The following MTUS1 variants were observed in gnomAD, a reference collection of about 807,000 sequenced individuals.
MTUS1 encodes microtubule associated scaffold protein 1.
In MTUS1, 109 loss-of-function variants were observed where a neutral mutation model predicts 120.8. The ratio of observed to expected loss-of-function variants is 0.90; its 90% confidence interval spans 0.77 to 1.06. The LOEUF is 1.06. MTUS1 is among the 50% of genes least tolerant of loss of function. The pLI, the probability that MTUS1 is intolerant of heterozygous loss-of-function variation, is 0.00. For missense variants in MTUS1, 2,210 were observed against 1,486.3 expected (o/e 1.49, Z -8.01); for synonymous variants, 737 against 550.5 (o/e 1.34, Z -4.74).
intron 6 of MTUS1, among the ~76,000 whole-genome samples, chr8:17,688,805 G>C (rs57420854): frequency 0.029 from 4,410 of 152,272 alleles, 286 homozygotes; most frequent in East Asian, 0.23. Flanking sequence ...TAATTTAGGA[G>C]ACATATATTT....
chr8:17,692,142 C>G (rs112578702), intron 6 of MTUS1: 1 of 152,188 alleles, frequency 6.6e-6, no homozygotes, highest in Non-Finnish European at 1.5e-5. Flanking sequence ...TGAGAAATAC[C>G]TGTTCTGCCT....
At chr8:17,690,852 AAGAT>A (rs1177313765) in intron 6 of MTUS1, among the ~76,000 whole-genome samples, 2 of 152,184 alleles carry the variant, frequency 1.3e-5, no homozygotes, top group East Asian at 1.9e-4. Flanking sequence ...AGTATTGCCT[AAGAT>A]AAATACAGAA....
intron 13 of MTUS1, among the ~76,000 whole-genome samples, chr8:17,648,366 C>A (rs1203914564): frequency 1.3e-5 from 2 of 152,160 alleles, no homozygotes; most frequent in South Asian, 2.1e-4. Flanking sequence ...AATAGTAGAT[C>A]ATCAGAAATT....
intron 8 of MTUS1, 62 bp downstream of exon 8, chr8:17,675,123 AC>A: frequency 1.9e-6 from 3 of 1,608,258 alleles, no homozygotes; most frequent in Non-Finnish European, 2.6e-6. Flanking sequence ...AGACAGGACA[AC>A]CACATTTTCC....
At position 17,755,198 on chromosome 8, in the gene MTUS1, A is replaced by C; in HGVS notation, c.610T>G (p.Ser204Ala). Residue 204 changes from serine to alanine, a missense_variant, in exon 2 of 15, where the codon TCC becomes GCC. Coordinates refer to ENST00000693296, the MANE Select transcript of MTUS1 (RefSeq NM_001363059.2). ...GRRSGSTSSLSYSTWTSSHSD... is the reference protein window; with the variant it reads ...GRRSGSTSSLAYSTWTSSHSD... ...TGGGAAGATGTCCAAGTGGAATAGG[A>C]TAAAGAAGATGTACTTCCACTTCTC... The C allele has an allele frequency of 6.2e-7, 1 of 1,614,204 alleles. No homozygotes were observed. The highest frequency in any genetic ancestry group is 8.5e-7 in the Non-Finnish European group (1 of 1,180,042).
chr8:17,793,383 G>A (rs543348322), intron 1 of MTUS1, among the ~76,000 whole-genome samples: 2 of 152,174 alleles, frequency 1.3e-5, no homozygotes, highest in Middle Eastern at 3.4e-3. Flanking sequence ...ATGGATGAGG[G>A]GGTGAGGGCA....
chr8:17,691,388 T>A (rs77300060), intron 6 of MTUS1: 1 of 152,252 alleles, frequency 6.6e-6, no homozygotes, highest in Non-Finnish European at 1.5e-5. Flanking sequence ...GATATTCATG[T>A]CACGGCAAAG....
In MTUS1 at chr8:17,754,795, C is replaced by T. The variant is rs2048472466; in HGVS notation, c.1013G>A (p.Arg338Lys). ...AATAAGACAATAGGACACTGTCTCT[C>T]TCAGATTTTGGCCCATTTCCTTGTG... ...YRHKEMGQNL[R>K]ETVSYCLIDD... Residue 338 changes from arginine to lysine, a missense_variant, in exon 2 of 15, where the codon AGA becomes AAA. Coordinates refer to ENST00000693296, the MANE Select transcript of MTUS1 (RefSeq NM_001363059.2). 6.2e-7 allele frequency: 1 copy of T among 1,614,118 alleles called. No homozygotes were observed. The highest frequency in any genetic ancestry group is 1.3e-5 in the African/African-American group (1 of 74,946).
rs1329616676 is a variant in MTUS1, at chr8:17,727,024, C to T, written c.2288-3191G>A. On this transcript the variant is annotated intron_variant, in intron 3 of 14. Transcript: ENST00000693296. ...GAAGACCTGTACCTTCACACAGCTG[C>T]ACTAGAGGAAAGCTTACCCCGGCAA... Among the ~76,000 whole-genome samples, 9 of 152,268 alleles carry T rather than the reference C, an allele frequency of 5.9e-5. No homozygotes were observed. The East Asian group carries it at 1.2e-3, about 20-fold the overall frequency.
intron 7 of MTUS1, among the ~76,000 whole-genome samples, chr8:17,683,768 C>G (rs1391043630): frequency 6.6e-6 from 1 of 152,130 alleles, no homozygotes. Context: ...TGAATTTTAG[C>G]CAGTTCCTGA....
intron 1 of MTUS1, among the ~76,000 whole-genome samples, chr8:17,756,672 C>CCCCCCCT (rs1413103775): frequency 4.3e-5 from 2 of 46,698 alleles, no homozygotes; most frequent in East Asian, 4.1e-4. Flanking sequence ...CAAGCCCAAA[C>CCCCCCCT]CCCCACCCCT....
chr8:17,697,587 G>T, intron 6 of MTUS1: 1 of 1,334,864 alleles, frequency 7.5e-7, no homozygotes, highest in Non-Finnish European at 9.6e-7. Context: ...TTCACTTTCA[G>T]ATGTTGCCAA....
In MTUS1 at chr8:17,754,007, C is replaced by G. The variant is rs749052999; in HGVS notation, c.1801G>C (p.Val601Leu). The G allele has an allele frequency of 3.1e-6, 5 of 1,614,056 alleles. No homozygotes were observed. The highest frequency in any genetic ancestry group is 1.7e-5 in the Admixed American group (1 of 60,006). ...TTCACGGCAGATGTTGTTCTTGGAA[C>G]CCTGTGTGAAGCATTTTTAGAATGA... ...TTHSKNASHR[V>L]PRTTSAVKSN... Residue 601 changes from valine to leucine, a missense_variant, in exon 2 of 15, where the codon GTT becomes CTT. Transcript: ENST00000693296.
chr8:17,657,634 C>A (rs1478826773), intron 8 of MTUS1, among the ~76,000 whole-genome samples: 4 of 137,692 alleles, frequency 2.9e-5, no homozygotes, highest in Non-Finnish European at 4.6e-5. Context: ...GCCTGGACAA[C>A]ATAGGGAAAC....
At chr8:17,646,276 T>G (rs1805775976) in intron 14 of MTUS1, 137 bp from the exon 15 acceptor site, 1 of 1,010,484 alleles carries the variant, frequency 9.9e-7, no homozygotes. Flanking sequence ...AGGTCACAGG[T>G]ATTTGGCTGG....
intron 4 of MTUS1, chr8:17,716,343 G>A (rs2937889): frequency 0.21 from 32,147 of 154,974 alleles, 3,576 homozygotes; most frequent in African/African-American, 0.29. Flanking sequence ...ATAAGGACAC[G>A]CTCTGGTTCA....
At position 17,751,132 on chromosome 8, in the gene MTUS1, C is replaced by A. The variant is rs564092138; in HGVS notation, c.2091+2585G>T. ...AGGAGTTCGAGACCAGCCTGGCCAA[C>A]GTGGTGAAACCCCATCTCTAATAAA... is the stretch of plus-strand genomic sequence containing the variant. On this transcript the variant is annotated intron_variant, in intron 2 of 14. Coordinates refer to ENST00000693296, the MANE Select transcript of MTUS1 (RefSeq NM_001363059.2). Among the ~76,000 whole-genome samples, 5 of 152,116 alleles carry A rather than the reference C, an allele frequency of 3.3e-5. No homozygotes were observed. The East Asian group carries it at 9.7e-4, about 30-fold the overall frequency.
chr8:17,721,925 A>T, intron 4 of MTUS1: 3 of 1,604,150 alleles, frequency 1.9e-6, no homozygotes, highest in Non-Finnish European at 2.6e-6. Flanking sequence ...AGCAAGCTTA[A>T]GCAGGAAAAA....
At chr8:17,751,955 C>T (rs193290340) in intron 2 of MTUS1, among the ~76,000 whole-genome samples, 5 of 150,276 alleles carry the variant, frequency 3.3e-5, no homozygotes, top group Admixed American at 3.3e-4. Flanking sequence ...GACAATCTTT[C>T]AAGACTTACA....
Sources: gnomAD v4.1 joint callset for allele counts (sites outside exome capture counted in the v4.1 genomes callset) on GRCh38, gnomAD v4.1.1 for gene constraint, MANE v1.5 for transcripts, NCBI Gene and HGNC (gene_info 2026-07-23, HGNC 2026-07-21) for gene names.